The following TAFA2 variants were observed in gnomAD, a reference collection of about 807,000 sequenced individuals.
TAFA2 encodes the protein TAFA chemokine like family member 2.
Under a neutral mutation model 18.8 loss-of-function variants are expected in TAFA2, and 7 were observed. That is an observed-to-expected ratio of 0.37 (90% CI 0.21 to 0.70). The LOEUF is 0.70. Ranked by LOEUF, TAFA2 falls within the 30% of genes least tolerant of loss-of-function variation. The probability of loss-of-function intolerance (pLI) is 0.53; values close to 1 mark genes in which losing one functional copy is unlikely to be tolerated. For synonymous variants in TAFA2, 60 were observed against 54.2 expected (o/e 1.11, Z -0.47); for missense variants, 122 against 158.1 (o/e 0.77, Z 1.23).
intron 1 of TAFA2, among the ~76,000 whole-genome samples, chr12:62,065,091 A>G (rs1882451225): frequency 6.6e-6 from 1 of 152,042 alleles, no homozygotes; most frequent in African/African-American, 2.4e-5. Flanking sequence ...TCAAGATTAA[A>G]ATCACACAGC....
rs572190862 is a variant in TAFA2 at position 61,764,815 on chromosome 12, T to C, written c.107-9791A>G. ...ACTGAGGAGTTTATGAAATTTGTAG[T>C]TTAGATATATTTCTTATCTGTATGA... On this transcript the variant is annotated intron_variant, in intron 2 of 4. Coordinates refer to ENST00000416284, the MANE Select transcript of TAFA2 (RefSeq NM_178539.5). 1.1e-4 allele frequency among the ~76,000 whole-genome samples: 17 copies of C among 152,218 alleles called. No homozygotes were observed. In the South Asian group the frequency reaches 3.5e-3, roughly 32 times the overall value.
At chr12:61,905,183 G>A (rs1876291776) in intron 1 of TAFA2, among the ~76,000 whole-genome samples, 2 of 140,430 alleles carry the variant, frequency 1.4e-5, no homozygotes, top group Non-Finnish European at 1.6e-5. Context: ...ATACTCCTAT[G>A]GTGTAAAAAA....
intron 2 of TAFA2, among the ~76,000 whole-genome samples, chr12:61,856,324 C>T (rs1873883457): frequency 6.6e-6 from 1 of 151,884 alleles, no homozygotes; most frequent in Non-Finnish European, 1.5e-5. Flanking sequence ...ATAATAAAAA[C>T]AGTGTCTACT....
chr12:61,824,878 ATTGT>A (rs1872478879), intron 2 of TAFA2, among the ~76,000 whole-genome samples: 1 of 152,162 alleles, frequency 6.6e-6, no homozygotes, highest in South Asian at 2.1e-4. Flanking sequence ...AAGAGTTTAA[ATTGT>A]TTGTAATACT....
chr12:62,258,894 A>T (rs2062960078), upstream of TAFA2: 1 of 188,090 alleles, frequency 5.3e-6, no homozygotes, highest in East Asian at 1.7e-4. Flanking sequence ...GGTTAGAGAA[A>T]CTCTTAATCT....
intron 1 of TAFA2, among the ~76,000 whole-genome samples, chr12:61,881,243 C>T (rs1032989730): frequency 1.3e-5 from 2 of 152,002 alleles, no homozygotes; most frequent in Admixed American, 6.6e-5. Flanking sequence ...TTATGCATTG[C>T]TCAGTAATCA....
intron 1 of TAFA2, chr12:62,135,724 A>T (rs530699864): frequency 1.6e-4 from 24 of 152,222 alleles, no homozygotes; most frequent in African/African-American, 4.6e-4. Context: ...CATCAGCTCA[A>T]TTAAGTTAGT....
chr12:62,106,888 T>C (rs1164355589), intron 1 of TAFA2, among the ~76,000 whole-genome samples: 2 of 124,042 alleles, frequency 1.6e-5, no homozygotes, highest in Non-Finnish European at 3.9e-5. Context: ...TCACCGTACC[T>C]TTTTTTTATT....
intron 2 of TAFA2, among the ~76,000 whole-genome samples, chr12:61,807,972 G>A (rs929112751): frequency 4.6e-5 from 7 of 151,648 alleles, no homozygotes; most frequent in Admixed American, 3.9e-4. Context: ...CTTGGACTAT[G>A]GATATCTGAG....
chr12:62,208,554 A>G (rs1291900323), intron 1 of TAFA2, among the ~76,000 whole-genome samples: 1 of 152,212 alleles, frequency 6.6e-6, no homozygotes, highest in Non-Finnish European at 1.5e-5. Context: ...GCAAGTAAGT[A>G]GCTATAAAAT....
intron 1 of TAFA2, among the ~76,000 whole-genome samples, chr12:61,872,406 T>A (rs10492352): frequency 0.66 from 100,422 of 151,716 alleles, 33,326 homozygotes; most frequent in South Asian, 0.73. Context: ...AACAGACAAA[T>A]CTCGAAAAAA....
intron 1 of TAFA2, among the ~76,000 whole-genome samples, chr12:62,131,168 C>G (rs144506992): frequency 6.6e-6 from 1 of 151,958 alleles, no homozygotes; most frequent in African/African-American, 2.4e-5. Context: ...ACTGGAGTAG[C>G]TAGAAATTGA....
intron 2 of TAFA2, among the ~76,000 whole-genome samples, chr12:61,814,778 C>T (rs1282140795): frequency 2.0e-5 from 3 of 150,938 alleles, no homozygotes; most frequent in Non-Finnish European, 2.9e-5. Context: ...GGTCAGAGTC[C>T]GAAAAGGCAA....
intron 2 of TAFA2, among the ~76,000 whole-genome samples, chr12:61,808,806 C>T (rs1026073088): frequency 6.6e-6 from 1 of 151,406 alleles, no homozygotes; most frequent in African/African-American, 2.5e-5. Flanking sequence ...ACAGTGCCTG[C>T]AGCGCATACG....
chr12:62,086,920 GTGGTATATACATAAGA>G (rs1565740032), intron 1 of TAFA2, among the ~76,000 whole-genome samples: 1 of 152,086 alleles, frequency 6.6e-6, no homozygotes, highest in Non-Finnish European at 1.5e-5. Context: ...TAAATAAAAT[GTGGTATATACATAAGA>G]TGGAATAATA....
chr12:62,257,691 A>T (rs1306184939), intron 1 of TAFA2, among the ~76,000 whole-genome samples: 2 of 152,212 alleles, frequency 1.3e-5, no homozygotes, highest in Non-Finnish European at 2.9e-5. Context: ...GGCAATAACA[A>T]TCACCAAGCA....
At chr12:62,233,066 CTTTTTTTTTTTTTTT>C (rs34781688) in intron 1 of TAFA2, among the ~76,000 whole-genome samples, 8 of 39,534 alleles carry the variant, frequency 2.0e-4, no homozygotes, top group Admixed American at 1.5e-3. Context: ...TTCTGCATCT[CTTTTTTTTTTTTTTT>C]TTTTTTTTTT....
At chr12:61,732,341 T>C (rs1414306996) in intron 4 of TAFA2, among the ~76,000 whole-genome samples, 1 of 152,142 alleles carries the variant, frequency 6.6e-6, no homozygotes, top group African/African-American at 2.4e-5. Context: ...TTTACTTCCT[T>C]GTTTATTCGA....
chr12:62,122,151 C>A (rs1472357690), intron 1 of TAFA2, among the ~76,000 whole-genome samples: 1 of 152,118 alleles, frequency 6.6e-6, no homozygotes, highest in Non-Finnish European at 1.5e-5. Context: ...ATGAAATAAC[C>A]TGCACAACAA....
Sources: allele counts gnomAD v4.1 joint callset (sites outside exome capture counted in the v4.1 genomes callset), GRCh38; gene constraint gnomAD v4.1.1; transcripts MANE v1.5; gene names NCBI Gene and HGNC (gene_info 2026-07-23, HGNC 2026-07-21).